The following SGMS1 variants were observed in gnomAD, a reference collection of about 807,000 sequenced individuals.
SGMS1 encodes phosphatidylcholine:ceramide cholinephosphotransferase 1.
SGMS1 carries 13 observed loss-of-function variants against 46.2 expected under a neutral mutation model. The ratio of observed to expected loss-of-function variants is 0.28; its 90% CI spans 0.18 to 0.45. The LOEUF is 0.45. Among genes scored for constraint, SGMS1 ranks in the 20% least tolerant of loss-of-function variants. The pLI is 1.00. For missense variants in SGMS1, 324 were observed against 519.9 expected (o/e 0.62, Z 3.66); for synonymous variants, 203 against 187.8 (o/e 1.08, Z -0.66).
chr10:50,403,695 C>T (rs1848972174), intron 6 of SGMS1, among the ~76,000 whole-genome samples: 1 of 150,528 alleles, frequency 6.6e-6, no homozygotes, highest in South Asian at 2.1e-4. Context: ...TCTTAAGAGG[C>T]TCAATACACT....
intron 7 of SGMS1, chr10:50,335,289 T>C (rs1847698081): frequency 6.6e-6 from 1 of 152,228 alleles, no homozygotes; most frequent in Non-Finnish European, 1.5e-5. Context: ...TGAGATCTCA[T>C]CTCAAAAACA....
intron 6 of SGMS1, among the ~76,000 whole-genome samples, chr10:50,366,951 T>C (rs1848357193): frequency 6.6e-6 from 1 of 152,074 alleles, no homozygotes. Flanking sequence ...TCTTGAAGTA[T>C]AATTTTTAAA....
chr10:50,624,777 C>T (rs1362458412), upstream of SGMS1: 5 of 986,198 alleles, frequency 5.1e-6, no homozygotes, highest in African/African-American at 7.0e-5. Flanking sequence ...GCGGGGAGAG[C>T]TGGCCTTCCC....
chr10:50,559,226 C>T (rs936206702), intron 2 of SGMS1, among the ~76,000 whole-genome samples: 1 of 152,170 alleles, frequency 6.6e-6, no homozygotes, highest in African/African-American at 2.4e-5. Context: ...ATTTTACTTG[C>T]TATAATCTTT....
intron 2 of SGMS1, among the ~76,000 whole-genome samples, chr10:50,527,378 T>A (rs1174718397): frequency 1.3e-5 from 2 of 152,190 alleles, no homozygotes; most frequent in African/African-American, 2.4e-5. Context: ...ACATATATAT[T>A]TACTCTTTTA....
At chr10:50,408,578 G>C (rs991990444) in intron 6 of SGMS1, among the ~76,000 whole-genome samples, 1 of 152,112 alleles carries the variant, frequency 6.6e-6, no homozygotes, top group African/African-American at 2.4e-5. Flanking sequence ...AGCTACTCAG[G>C]AGGCTGAGGC....
intron 6 of SGMS1, among the ~76,000 whole-genome samples, chr10:50,349,910 G>A (rs1411665504): frequency 6.6e-6 from 1 of 152,204 alleles, no homozygotes; most frequent in Non-Finnish European, 1.5e-5. Flanking sequence ...GGTACCAGTA[G>A]AGTAGGGTGT....
At chr10:50,428,767 T>A (rs955489037) in intron 6 of SGMS1, among the ~76,000 whole-genome samples, 3 of 152,164 alleles carry the variant, frequency 2.0e-5, no homozygotes, top group Non-Finnish European at 4.4e-5. Flanking sequence ...ATGCAGATAA[T>A]CCCAGATGCT....
intron 2 of SGMS1, among the ~76,000 whole-genome samples, chr10:50,579,263 A>G (rs11006197): frequency 0.14 from 21,274 of 152,194 alleles, 1,749 homozygotes; most frequent in Non-Finnish European, 0.19. Context: ...AGATGCGGAA[A>G]GCAGAAGAAA....
chr10:50,495,969 C>T (rs371692613), intron 3 of SGMS1, among the ~76,000 whole-genome samples: 6 of 152,020 alleles, frequency 3.9e-5, no homozygotes, highest in South Asian at 2.1e-4. Context: ...GTCATGTGCA[C>T]GTATTTCCTT....
chr10:50,511,211 G>T (rs1837751052), intron 3 of SGMS1, among the ~76,000 whole-genome samples: 1 of 145,998 alleles, frequency 6.8e-6, no homozygotes, highest in Non-Finnish European at 1.5e-5. Flanking sequence ...GCCTTTAAAA[G>T]AATTTAGAGT....
chr10:50,444,462 AACAGATTTTCTG>A (rs1246802936), intron 5 of SGMS1, among the ~76,000 whole-genome samples: 1 of 152,224 alleles, frequency 6.6e-6, no homozygotes, highest in African/African-American at 2.4e-5. Context: ...ATATACGACC[AACAGATTTTCTG>A]ACCAAGATGT....
At chr10:50,435,702 A>C (rs1052055807) in intron 5 of SGMS1, among the ~76,000 whole-genome samples, 4 of 152,196 alleles carry the variant, frequency 2.6e-5, no homozygotes, top group African/African-American at 9.6e-5. Flanking sequence ...AATGCTGGGC[A>C]CCACATCACA....
intron 2 of SGMS1, among the ~76,000 whole-genome samples, chr10:50,557,501 A>AAG (rs1280714222): frequency 6.6e-6 from 1 of 152,136 alleles, no homozygotes; most frequent in East Asian, 1.9e-4. Context: ...GAGGTGAAAA[A>AAG]AGAATAACTG....
chr10:50,452,985 TG>T (rs1289347057), intron 5 of SGMS1, among the ~76,000 whole-genome samples: 3 of 152,172 alleles, frequency 2.0e-5, no homozygotes, highest in African/African-American at 7.2e-5. Context: ...TACAGGCACC[TG>T]GGAGAAGCAA....
chr10:50,371,359 T>A (rs1171641733), intron 6 of SGMS1, among the ~76,000 whole-genome samples: 2 of 152,162 alleles, frequency 1.3e-5, no homozygotes, highest in Non-Finnish European at 2.9e-5. Context: ...TCAATACTGC[T>A]CCCGTACACA....
chr10:50,624,379 G>C (rs866903621), upstream of SGMS1, among the ~76,000 whole-genome samples: 2 of 152,208 alleles, frequency 1.3e-5, no homozygotes, highest in African/African-American at 4.8e-5. Context: ...CCAAGCCCAA[G>C]GGCTGCGACA....
At chr10:50,337,545 T>C (rs992826396) in intron 7 of SGMS1, among the ~76,000 whole-genome samples, 7 of 152,174 alleles carry the variant, frequency 4.6e-5, no homozygotes, top group African/African-American at 1.7e-4. Context: ...GTTGACAGTG[T>C]CTGTGGGTCA....
intron 2 of SGMS1, among the ~76,000 whole-genome samples, chr10:50,588,652 C>T (rs556234286): frequency 6.6e-6 from 1 of 151,678 alleles, no homozygotes; most frequent in Non-Finnish European, 1.5e-5. Context: ...TTTCCACATT[C>T]TCCTATAAGT....
Sources: gnomAD v4.1 joint callset for allele counts (sites outside exome capture counted in the v4.1 genomes callset) on GRCh38, gnomAD v4.1.1 for gene constraint, MANE v1.5 for transcripts, NCBI Gene and HGNC (gene_info 2026-07-23, HGNC 2026-07-21) for gene names.